Variants in L3MBTL4 observed in about 807,000 individuals in gnomAD.
L3MBTL4 encodes L3MBTL histone methyl-lysine binding protein 4.
Under a neutral mutation model 84.5 loss-of-function variants are expected in L3MBTL4, and 70 were observed. That is an observed-to-expected ratio of 0.83 (90% CI 0.68 to 1.01). The LOEUF is 1.01. Ranked by LOEUF, L3MBTL4 falls within the 50% of genes least tolerant of loss-of-function variation. The pLI is 0.00. For missense variants in L3MBTL4, 715 were observed against 754.8 expected, an observed-to-expected ratio of 0.95 and a Z score of 0.62; for synonymous variants, 274 against 259.8, an observed-to-expected ratio of 1.05 and a Z score of -0.52.
intron 3 of L3MBTL4, 64 bp downstream of exon 3, chr18:6,311,490 T>C (rs369476489): frequency 1.3e-4 from 177 of 1,360,298 alleles, no homozygotes; most frequent in Non-Finnish European, 1.7e-4. Flanking sequence ...AACTCTACTA[T>C]TCCATGGTGC....
chr18:6,141,408 A>G (rs2060190010), intron 13 of L3MBTL4, among the ~76,000 whole-genome samples: 1 of 152,146 alleles, frequency 6.6e-6, no homozygotes, highest in Non-Finnish European at 1.5e-5. Flanking sequence ...GGCATTCTTG[A>G]AGTTCCAGAC....
At chr18:6,153,360 T>C (rs538847943) in intron 13 of L3MBTL4, among the ~76,000 whole-genome samples, 22 of 152,282 alleles carry the variant, frequency 1.4e-4, no homozygotes, top group Admixed American at 1.4e-3. Context: ...TGGGATATCT[T>C]CCCATTTATT....
intron 16 of L3MBTL4, among the ~76,000 whole-genome samples, chr18:5,990,718 C>T (rs2053650624): frequency 6.6e-6 from 1 of 151,958 alleles, no homozygotes; most frequent in Non-Finnish European, 1.5e-5. Flanking sequence ...AGAGCTATTA[C>T]AAAGTCTAAG....
At chr18:5,959,038 G>C (rs1242003782) in intron 18 of L3MBTL4, among the ~76,000 whole-genome samples, 1 of 152,224 alleles carries the variant, frequency 6.6e-6, no homozygotes, top group Non-Finnish European at 1.5e-5. Context: ...ACAGGTAGCA[G>C]CTACCCAGAC....
chr18:6,185,999 T>TTTATTTTATTTTA (rs1216629091), intron 12 of L3MBTL4, among the ~76,000 whole-genome samples: 16 of 128,544 alleles, frequency 1.2e-4, no homozygotes, highest in African/African-American at 5.9e-4. Flanking sequence ...ATTTTATTAT[T>TTTATTTTATTTTA]TTATATTTTA....
At chr18:6,020,575 T>C (rs2145491828) in intron 16 of L3MBTL4, among the ~76,000 whole-genome samples, 1 of 151,558 alleles carries the variant, frequency 6.6e-6, no homozygotes, top group South Asian at 2.1e-4. Context: ...GAAGACCAGA[T>C]AAGGAGACAC....
At chr18:6,162,446 C>A (rs527899758) in intron 13 of L3MBTL4, among the ~76,000 whole-genome samples, 2 of 152,212 alleles carry the variant, frequency 1.3e-5, no homozygotes, top group African/African-American at 4.8e-5. Context: ...TCTAAAATAT[C>A]TGGAAATTAA....
In L3MBTL4 at chr18:6,243,233, T is replaced by TA. The variant is rs1218700896; in HGVS notation, c.460+60dup. 3.4e-5 allele frequency: 46 copies of TA among 1,366,542 alleles called. 1 individual carries two copies. The highest frequency in any genetic ancestry group is 2.5e-4 in the Admixed American group (9 of 36,050). The allele number at this position is 1,366,542 out of a possible 1,614,324, so 84.7% of individuals were successfully genotyped here. A position where few individuals can be genotyped will look rare whatever the true frequency, so the allele number is the denominator to read the frequency against. On this transcript the variant is annotated intron_variant, in intron 7 of 18. Transcript: ENST00000317931. ...TTCTTCGAATTTCATAAAGTATTGT[T>TA]AAAATATAAGTGAAATACCAATTGA...
Position 6,409,931 on chromosome 18 carries a change from C to T in L3MBTL4, c.-91+4870G>A, listed in dbSNP as rs969145193. On this transcript the variant is annotated intron_variant, in intron 1 of 18. Coordinates refer to ENST00000317931, the MANE Select transcript of L3MBTL4 (RefSeq NM_001330559.2). ...GGAGTAATCCTGGATTCTTCCAATT[C>T]GCCTACCCTCTAACCCATCAGCAAT... Among the ~76,000 whole-genome samples the T allele has an allele frequency of 3.3e-5, 5 of 152,132 alleles. No homozygotes were observed. The East Asian group carries it at 5.8e-4, about 18-fold the overall frequency.
At chr18:6,170,893 T>C (rs1188486502) in intron 13 of L3MBTL4, among the ~76,000 whole-genome samples, 2 of 152,158 alleles carry the variant, frequency 1.3e-5, no homozygotes, top group African/African-American at 4.8e-5. Context: ...CATGGTCCTC[T>C]TCATTCTACA....
intron 14 of L3MBTL4, among the ~76,000 whole-genome samples, chr18:6,108,939 C>T (rs2059101758): frequency 6.6e-6 from 1 of 152,262 alleles, no homozygotes; most frequent in East Asian, 1.9e-4. Context: ...AAATACTACA[C>T]CACTTTATAT....
intron 5 of L3MBTL4, among the ~76,000 whole-genome samples, chr18:6,246,290 T>C (rs1278368863): frequency 6.6e-6 from 1 of 152,250 alleles, no homozygotes; most frequent in Non-Finnish European, 1.5e-5. Flanking sequence ...AATTTTCACA[T>C]AAAACTGCCA....
At chr18:6,207,954 A>AC (rs2045941577) in intron 12 of L3MBTL4, among the ~76,000 whole-genome samples, 2 of 151,818 alleles carry the variant, frequency 1.3e-5, no homozygotes, top group African/African-American at 4.8e-5. Context: ...AGAAAAAAAA[A>AC]ATTAACAAAA....
At chr18:6,018,718 A>G (rs1376574908) in intron 16 of L3MBTL4, among the ~76,000 whole-genome samples, 1 of 152,218 alleles carries the variant, frequency 6.6e-6, no homozygotes, top group Non-Finnish European at 1.5e-5. Flanking sequence ...AGCATGAATT[A>G]TTAGACAACT....
intron 1 of L3MBTL4, among the ~76,000 whole-genome samples, chr18:6,318,093 A>C (rs562847117): frequency 6.6e-6 from 1 of 152,246 alleles, no homozygotes; most frequent in East Asian, 1.9e-4. Flanking sequence ...CCTACGAGAA[A>C]GGTTAAAAGG....
intron 1 of L3MBTL4, among the ~76,000 whole-genome samples, chr18:6,335,112 A>G (rs1285089834): frequency 1.3e-5 from 2 of 152,124 alleles, no homozygotes; most frequent in African/African-American, 4.8e-5. Flanking sequence ...ATTTTTTGAG[A>G]TGGAGTCTTG....
chr18:6,319,665 A>G (rs2051303826), intron 1 of L3MBTL4, among the ~76,000 whole-genome samples: 1 of 152,040 alleles, frequency 6.6e-6, no homozygotes, highest in Non-Finnish European at 1.5e-5. Flanking sequence ...AAAAGCACAG[A>G]GCAAGATGAA....
intron 1 of L3MBTL4, among the ~76,000 whole-genome samples, chr18:6,320,328 A>G (rs1040082306): frequency 9.2e-5 from 14 of 152,222 alleles, no homozygotes; most frequent in Middle Eastern, 3.4e-3. Context: ...GGGCATCCAC[A>G]TTGGAAGAGA....
chr18:6,408,104 A>C (rs1416524348), intron 1 of L3MBTL4, among the ~76,000 whole-genome samples: 1 of 152,202 alleles, frequency 6.6e-6, no homozygotes, highest in Non-Finnish European at 1.5e-5. Flanking sequence ...AACAATGGAA[A>C]ACTGTGAAAA....
Sources: gnomAD v4.1 joint callset for allele counts (sites outside exome capture counted in the v4.1 genomes callset) on GRCh38, gnomAD v4.1.1 for gene constraint, MANE v1.5 for transcripts, NCBI Gene and HGNC (gene_info 2026-07-23, HGNC 2026-07-21) for gene names.